Variants in USP40 observed in about 807,000 individuals in gnomAD.
USP40 encodes ubiquitin specific peptidase 40.
USP40 carries 143 observed loss-of-function variants against 166.2 expected under a neutral mutation model. That is an observed-to-expected ratio of 0.86 (90% CI 0.75 to 0.99). The LOEUF is 0.99. Ranked by LOEUF, USP40 falls within the 50% of genes least tolerant of loss-of-function variation. USP40 has a pLI of 0.00. For synonymous variants in USP40, 498 were observed against 524.0 expected (o/e 0.95, Z 0.68); for missense variants, 1,444 against 1,479.7 (o/e 0.98, Z 0.40).
rs1575317783 is a variant in USP40 at position 233,540,103 on chromosome 2, C to T, written c.1170+559G>A. Among the ~76,000 whole-genome samples, 3 of 118,162 alleles carry T rather than the reference C, an allele frequency of 2.5e-5. No homozygotes were observed. In the South Asian group the frequency reaches 8.6e-4, roughly 34 times the overall value. The allele number at this position is 118,162 out of a possible 152,430, so 77.5% of individuals were successfully genotyped here. A position where few individuals can be genotyped will look rare whatever the true frequency, so the allele number is the denominator to read the frequency against. ...TCGTGCCGCTGCACTCCAGCCTGGG[C>T]GACAGAGTGGACCTCAACTCAAAAA... On this transcript the variant is annotated intron_variant, in intron 10 of 31. Transcript: ENST00000678225.
At chr2:233,526,284 A>G (rs998148934) in intron 13 of USP40, among the ~76,000 whole-genome samples, 4 of 152,210 alleles carry the variant, frequency 2.6e-5, no homozygotes, top group African/African-American at 7.2e-5. Flanking sequence ...TTAAAACACC[A>G]AAACACACAG....
chr2:233,483,427 G>A (rs1312224841), intron 30 of USP40, among the ~76,000 whole-genome samples: 4 of 152,194 alleles, frequency 2.6e-5, no homozygotes, highest in Non-Finnish European at 5.9e-5. Flanking sequence ...TGAGGCAGAG[G>A]TTACAGTGAG....
chr2:233,540,363 G>C (rs2069292833), intron 10 of USP40, among the ~76,000 whole-genome samples: 1 of 152,074 alleles, frequency 6.6e-6, no homozygotes, highest in South Asian at 2.1e-4. Flanking sequence ...AAAAAATCAA[G>C]TGAAATCTGG....
rs1044558306 is a variant in USP40 at position 233,531,325 on chromosome 2, G to A, written c.1472-1813C>T. Among the ~76,000 whole-genome samples, 4 of 152,064 alleles carry A rather than the reference G, an allele frequency of 2.6e-5. No individual in the cohort carries two copies. The South Asian group carries it at 8.3e-4, about 31-fold the overall frequency. ...TTCTCCCTCAGTCTTCTCTTCTTCA[G>A]TTTTTATTACTTTATTTCTCCAGGT... On this transcript the variant is annotated intron_variant, in intron 11 of 31. Transcript: ENST00000678225.
chr2:233,548,867 G>C (rs1023329831), intron 8 of USP40, among the ~76,000 whole-genome samples: 10 of 152,116 alleles, frequency 6.6e-5, no homozygotes, highest in African/African-American at 2.4e-4. Flanking sequence ...AACAATTAGA[G>C]AATCTAGGTA....
Position 233,562,775 on chromosome 2 carries a change from C to G in USP40, c.228G>C (p.Glu76Asp). 6.5e-7 allele frequency: 1 copy of G among 1,536,514 alleles called. No individual in the cohort carries two copies. The highest frequency in any genetic ancestry group is 2.5e-5 in the East Asian group (1 of 40,616). The part of the protein sequence containing the change: ...REALFSLGPE[E>D]LGLFEDKDKP... Reference sequence around the variant, plus strand: ...TATCCTTATCTTCAAACAAACCAAGCTCTTCTGGGCCAAGAGAAAATAGAG... The same window carrying G: ...TATCCTTATCTTCAAACAAACCAAGGTCTTCTGGGCCAAGAGAAAATAGAG... Residue 76 changes from glutamate to aspartate, a missense_variant, in exon 3 of 32, where the codon GAG becomes GAC. Physicochemically the swap from Glu to Asp is conservative, Grantham distance 45. Transcript: ENST00000678225.
intron 18 of USP40, among the ~76,000 whole-genome samples, chr2:233,518,194 AT>A (rs2067373814): frequency 6.7e-6 from 1 of 148,820 alleles, no homozygotes; most frequent in African/African-American, 2.5e-5. Flanking sequence ...ACAATAAAAA[AT>A]GTGCTCAAAA....
rs2070862350 is a variant in USP40 at position 233,554,389 on chromosome 2, T to C, written c.684A>G (p.Lys228=). The change falls in exon 6 of 32, where the codon AAA becomes AAG. Residue 228 remains lysine (K), a synonymous_variant. Coordinates refer to ENST00000678225, the MANE Select transcript of USP40 (RefSeq NM_001365479.2). The part of the protein sequence containing the change: ...YHCGTCDRLV[K]AAKSAKLRKL... ...AGTTATCTGTCTTTACCTTTGCTGC[T>C]TTAACCAGCCTGTCACAAGTTCCAC... 1.2e-6 allele frequency: 2 copies of C among 1,611,348 alleles called. No homozygotes were observed. The highest frequency in any genetic ancestry group is 1.7e-6 in the Non-Finnish European group (2 of 1,179,022).
chr2:233,536,669 G>C (rs1428909296), intron 10 of USP40, among the ~76,000 whole-genome samples: 4 of 151,852 alleles, frequency 2.6e-5, no homozygotes, highest in Non-Finnish European at 5.9e-5. Flanking sequence ...CAAAACAAAA[G>C]CCCCCAGAAC....
chr2:233,499,924 A>C lies in USP40; in HGVS notation c.2614-9T>G, dbSNP rs572994841. 2.4e-5 allele frequency: 38 copies of C among 1,611,128 alleles called. No individual in the cohort carries two copies. The highest frequency in any genetic ancestry group is 3.1e-5 in the Non-Finnish European group (37 of 1,178,540). On this transcript the variant is annotated splice_polypyrimidine_tract_variant and intron_variant, in intron 21 of 31. Transcript: ENST00000678225. ...AGCATTAACTTTAAACACTGTAAAG[A>C]AAAACAATGTCCAATGTTAGTTTTC...
intron 26 of USP40, chr2:233,490,958 CT>C (rs1207286329): frequency 2.9e-6 from 2 of 693,684 alleles, no homozygotes; most frequent in Admixed American, 4.1e-5. Context: ...CACAGCATGC[CT>C]GTCAGAGGAG....
At chr2:233,497,380 A>G (rs997064434) in intron 23 of USP40, among the ~76,000 whole-genome samples, 10 of 152,190 alleles carry the variant, frequency 6.6e-5, no homozygotes, top group Admixed American at 3.3e-4. Flanking sequence ...TGCAATATGC[A>G]TGACATTGAA....
intron 30 of USP40, chr2:233,481,574 A>G: frequency 2.2e-6 from 1 of 460,292 alleles, no homozygotes. Context: ...GGGGGACTTT[A>G]AAGGGCTACC....
At chr2:233,516,483 G>A (rs2067205765) in intron 18 of USP40, among the ~76,000 whole-genome samples, 1 of 152,074 alleles carries the variant, frequency 6.6e-6, no homozygotes, top group South Asian at 2.1e-4. Context: ...GGATCACGAG[G>A]TCAGCAGATC....
intron 18 of USP40, among the ~76,000 whole-genome samples, chr2:233,519,045 T>A (rs936754730): frequency 1.3e-5 from 2 of 152,186 alleles, no homozygotes; most frequent in African/African-American, 4.8e-5. Context: ...TCCAATTACA[T>A]TAAACATTAA....
chr2:233,546,481 A>G (rs2125333566), intron 8 of USP40: 1 of 152,324 alleles, frequency 6.6e-6, no homozygotes, highest in South Asian at 2.1e-4. Context: ...CTGAGCAAAA[A>G]CTGTAGCAGG....
intron 12 of USP40, among the ~76,000 whole-genome samples, chr2:233,528,893 A>C (rs1006189746): frequency 6.6e-6 from 1 of 152,210 alleles, no homozygotes; most frequent in African/African-American, 2.4e-5. Context: ...CCCAAAAGAG[A>C]ATGCTGAGAT....
At chr2:233,504,678 G>A (rs1348066378) in intron 21 of USP40, among the ~76,000 whole-genome samples, 1 of 151,830 alleles carries the variant, frequency 6.6e-6, no homozygotes, top group Non-Finnish European at 1.5e-5. Flanking sequence ...AAATATATAT[G>A]CAAACACCAC....
chr2:233,534,229 T>G (rs2068772692), intron 10 of USP40, among the ~76,000 whole-genome samples: 1 of 152,182 alleles, frequency 6.6e-6, no homozygotes, highest in Non-Finnish European at 1.5e-5. Flanking sequence ...AAATTATCTT[T>G]TAACCTGGAC....
Sources: allele counts gnomAD v4.1 joint callset (sites outside exome capture counted in the v4.1 genomes callset), GRCh38; gene constraint gnomAD v4.1.1; transcripts MANE v1.5; gene names NCBI Gene and HGNC (gene_info 2026-07-23, HGNC 2026-07-21).